Variants in WDSUB1 observed in about 807,000 individuals in gnomAD.
The protein encoded by WDSUB1 is WD repeat, SAM and U-box domain-containing protein 1.
In WDSUB1, 49 loss-of-function variants were observed where a neutral mutation model predicts 53.9. The ratio of observed to expected loss-of-function variants is 0.91; its 90% CI spans 0.72 to 1.15. The LOEUF (loss-of-function observed/expected upper bound fraction) is 1.15, where lower values mean the gene tolerates loss of function less well. Among genes scored for constraint, WDSUB1 ranks in the 50% most tolerant of loss-of-function variants. The pLI, the probability that WDSUB1 is intolerant of heterozygous loss-of-function variation, is 0.00. For missense variants in WDSUB1, 514 were observed against 562.0 expected, an observed-to-expected ratio of 0.91 and a Z score of 0.86; for synonymous variants, 194 against 200.6, an observed-to-expected ratio of 0.97 and a Z score of 0.28.
chr2:159,261,449 G>A (rs12618383), intron 5 of WDSUB1, among the ~76,000 whole-genome samples: 1 of 151,974 alleles, frequency 6.6e-6, no homozygotes, highest in Non-Finnish European at 1.5e-5. Flanking sequence ...CCAAAATACA[G>A]TGAGAAATAG....
rs1033867795 is a variant in WDSUB1, at chr2:159,286,693, A to C, written c.-135T>G. On this transcript the variant is annotated 5_prime_UTR_variant, in exon 1 of 11. Coordinates refer to ENST00000359774, the MANE Select transcript of WDSUB1 (RefSeq NM_001128212.3). ...GCGGGCGCCGGCGGAGACCCAGAGC[A>C]GAGGGAACAGGCCCCGCCCCCGAAC... 2.6e-5 allele frequency: 4 copies of C among 151,876 alleles called. No individual in the cohort carries two copies. Among genetic ancestry groups the C allele is most frequent in the African/African-American group, 9.7e-5 (4 of 41,236 alleles). The allele number at this position is 151,876 out of a possible 1,614,324, so 9.4% of individuals were successfully genotyped here. A position where few individuals can be genotyped will look rare whatever the true frequency, so the allele number is the denominator to read the frequency against.
At position 159,235,975 on chromosome 2, in the gene WDSUB1, ACCT is replaced by A. The variant is rs2060468424; in HGVS notation, c.*55_*57del. 4.1e-6 allele frequency: 6 copies of A among 1,450,040 alleles called. No individual in the cohort carries two copies. The highest frequency in any genetic ancestry group is 5.5e-6 in the Non-Finnish European group (6 of 1,088,884). 89.8% of individuals were successfully genotyped at this position (1,450,040 alleles called of 1,614,324 possible). A position where few individuals can be genotyped will look rare whatever the true frequency, so the allele number is the denominator to read the frequency against. ...TTTTAATAATGTCTGATTAGTATTT[ACCT>A]ATAAATCATTCAAATGAGATCACTG... On this transcript the variant is annotated 3_prime_UTR_variant, in exon 11 of 11. Coordinates refer to ENST00000359774, the MANE Select transcript of WDSUB1 (RefSeq NM_001128212.3).
At position 159,282,750 on chromosome 2, in the gene WDSUB1, G is replaced by A; in HGVS notation, c.320C>T (p.Pro107Leu). Residue 107 changes from proline (P) to leucine (L), a missense_variant, in exon 2 of 11, where the codon CCA becomes CTA. Physicochemically the swap from Pro to Leu is moderately conservative, Grantham distance 98. Transcript: ENST00000359774. ...CCCTGATGCCAAACACGTGGAGTCT[G>A]GGGAAAACTGGCAAACCCTCACAGG... ...GSPVRVCQFS[P>L]DSTCLASGAA... The A allele has an allele frequency of 1.2e-6, 2 of 1,614,156 alleles. No individual in the cohort carries two copies. Among genetic ancestry groups the A allele is most frequent in the South Asian group, 2.2e-5 (2 of 91,082 alleles).
intron 3 of WDSUB1, among the ~76,000 whole-genome samples, chr2:159,277,327 C>T (rs1053473346): frequency 6.6e-6 from 1 of 152,176 alleles, no homozygotes; most frequent in African/African-American, 2.4e-5. Flanking sequence ...TAAGACAAAA[C>T]ATTTTATTCA....
At chr2:159,264,957 A>G (rs6725605) in intron 5 of WDSUB1, among the ~76,000 whole-genome samples, 86,629 of 151,440 alleles carry the variant, frequency 0.57, 26,090 homozygotes, top group African/African-American at 0.72. Context: ...GGTCGCGGGC[A>G]CCTGTAATCC....
intron 6 of WDSUB1, 78 bp downstream of exon 6, chr2:159,259,732 C>T: frequency 3.6e-6 from 5 of 1,375,828 alleles, no homozygotes; most frequent in Non-Finnish European, 3.9e-6. Context: ...TATACTTTTT[C>T]TACCAGGCCT....
At chr2:159,246,431 CAA>C (rs35443297) in intron 10 of WDSUB1, among the ~76,000 whole-genome samples, 5 of 117,098 alleles carry the variant, frequency 4.3e-5, no homozygotes, top group African/African-American at 1.0e-4. Flanking sequence ...GAGTCTGTCT[CAA>C]AAAAAAAAAA....
intron 9 of WDSUB1, among the ~76,000 whole-genome samples, chr2:159,250,675 C>T (rs760283077): frequency 2.0e-5 from 3 of 152,002 alleles, no homozygotes; most frequent in African/African-American, 4.8e-5. Context: ...GGAAGGTTTA[C>T]GAGGAGTTAT....
chr2:159,239,898 C>T (rs1037194383), intron 10 of WDSUB1, among the ~76,000 whole-genome samples: 1 of 152,198 alleles, frequency 6.6e-6, no homozygotes, highest in Non-Finnish European at 1.5e-5. Flanking sequence ...CTGTTTCCTC[C>T]GTCCTAGAGA....
intron 10 of WDSUB1, among the ~76,000 whole-genome samples, chr2:159,243,027 A>G (rs569188369): frequency 8.0e-6 from 1 of 125,274 alleles, no homozygotes; most frequent in East Asian, 2.1e-4. Flanking sequence ...GCTGGCAGGA[A>G]TTTCTCCACA....
intron 1 of WDSUB1, among the ~76,000 whole-genome samples, chr2:159,285,982 T>A (rs73968313): frequency 0.029 from 4,339 of 151,976 alleles, 192 homozygotes; most frequent in African/African-American, 0.094. Context: ...CGCACTCAGC[T>A]CCCTTTGCAA....
At chr2:159,265,319 T>A (rs1040655013) in intron 5 of WDSUB1, among the ~76,000 whole-genome samples, 20 of 125,258 alleles carry the variant, frequency 1.6e-4, no homozygotes, top group Non-Finnish European at 2.8e-4. Context: ...ACACACACAC[T>A]CACTCTCTCT....
At chr2:159,280,816 AG>A (rs1471996621) in intron 2 of WDSUB1, among the ~76,000 whole-genome samples, 2 of 152,046 alleles carry the variant, frequency 1.3e-5, no homozygotes, top group African/African-American at 4.8e-5. Flanking sequence ...ACGGTGCTGA[AG>A]TATTAGTATT....
intron 10 of WDSUB1, among the ~76,000 whole-genome samples, chr2:159,239,472 T>C (rs1225557388): frequency 6.6e-6 from 1 of 152,238 alleles, no homozygotes. Context: ...TACAGTTATA[T>C]AGAAAGGGTT....
At chr2:159,259,901 T>C in intron 5 of WDSUB1, 58 bp from the exon 6 acceptor site, 1 of 1,400,924 alleles carries the variant, frequency 7.1e-7, no homozygotes, top group South Asian at 1.4e-5. Flanking sequence ...ACAGCATTTA[T>C]GTAATTAGTA....
At chr2:159,276,911 A>G (rs2061552692) in intron 3 of WDSUB1, among the ~76,000 whole-genome samples, 1 of 152,154 alleles carries the variant, frequency 6.6e-6, no homozygotes, top group African/African-American at 2.4e-5. Flanking sequence ...AGGCCGAGGC[A>G]GGGGATCTCC....
intron 8 of WDSUB1, among the ~76,000 whole-genome samples, chr2:159,257,533 T>A (rs571780796): frequency 2.6e-5 from 4 of 152,162 alleles, no homozygotes; most frequent in Admixed American, 6.5e-5. Context: ...ATTATAAGCA[T>A]GCACCATCAT....
intron 9 of WDSUB1, among the ~76,000 whole-genome samples, chr2:159,250,016 G>C (rs1371658060): frequency 1.3e-5 from 2 of 149,412 alleles, no homozygotes; most frequent in Non-Finnish European, 3.0e-5. Context: ...TTGAACCCAG[G>C]AGGCGGAGGT....
At chr2:159,236,300 G>GTT in intron 10 of WDSUB1, 110 bp from the exon 11 acceptor site, 1 of 1,059,304 alleles carries the variant, frequency 9.4e-7, no homozygotes, top group Non-Finnish European at 1.3e-6. Flanking sequence ...GTGACTTAAG[G>GTT]GTTATTCCTG....
Sources: gnomAD v4.1 joint callset for allele counts (sites outside exome capture counted in the v4.1 genomes callset) on GRCh38, gnomAD v4.1.1 for gene constraint, MANE v1.5 for transcripts, NCBI Gene and HGNC (gene_info 2026-07-23, HGNC 2026-07-21) for gene names.